PHF14: variants seen among roughly 807,000 people sequenced by gnomAD.
PHF14 encodes the protein PHD finger protein 14.
In PHF14, 55 loss-of-function variants were observed where a neutral mutation model predicts 117.9. The ratio of observed to expected loss-of-function variants is 0.47; its 90% CI spans 0.38 to 0.58. The LOEUF (loss-of-function observed/expected upper bound fraction) is 0.58. PHF14 is among the 20% of genes least tolerant of loss of function. The probability of loss-of-function intolerance (pLI) is 0.00; values close to 1 mark genes in which losing one functional copy is unlikely to be tolerated. For synonymous variants in PHF14, 409 were observed against 368.6 expected (o/e 1.11, Z -1.26); for missense variants, 978 against 1,122.2 (o/e 0.87, Z 1.84).
chr7:11,013,172 T>G (rs1416258360), intron 4 of PHF14, among the ~76,000 whole-genome samples: 1 of 152,118 alleles, frequency 6.6e-6, no homozygotes, highest in Non-Finnish European at 1.5e-5. Flanking sequence ...ATATTTTTAT[T>G]TTTTATGAGA....
At chr7:11,065,903 G>C (rs1192961153) in intron 16 of PHF14, among the ~76,000 whole-genome samples, 1 of 152,102 alleles carries the variant, frequency 6.6e-6, no homozygotes, top group African/African-American at 2.4e-5. Flanking sequence ...CTCTTAAATA[G>C]CATCTTTAAT....
intron 16 of PHF14, among the ~76,000 whole-genome samples, chr7:11,089,070 G>A (rs1786538112): frequency 6.6e-6 from 1 of 151,118 alleles, no homozygotes; most frequent in South Asian, 2.1e-4. Flanking sequence ...TTTGAGCACA[G>A]ACAGACACAA....
At chr7:11,067,531 A>G (rs992172183) in intron 16 of PHF14, among the ~76,000 whole-genome samples, 4 of 152,230 alleles carry the variant, frequency 2.6e-5, no homozygotes, top group Non-Finnish European at 4.4e-5. Context: ...AACATTATTC[A>G]CAATAGCCAA....
intron 4 of PHF14, among the ~76,000 whole-genome samples, chr7:11,008,891 C>A (rs1314180328): frequency 6.6e-6 from 1 of 151,746 alleles, no homozygotes; most frequent in East Asian, 1.9e-4. Context: ...AAAAAATTAG[C>A]CGGGCATGGT....
At chr7:11,039,118 A>G (rs1012570504) in intron 11 of PHF14, among the ~76,000 whole-genome samples, 1 of 152,146 alleles carries the variant, frequency 6.6e-6, no homozygotes, top group African/African-American at 2.4e-5. Context: ...TTGACCTGTC[A>G]TTTGTGATGA....
intron 4 of PHF14, among the ~76,000 whole-genome samples, chr7:10,991,665 A>G (rs906306999): frequency 6.6e-6 from 1 of 151,812 alleles, no homozygotes; most frequent in Admixed American, 6.6e-5. Flanking sequence ...GAAATGCTAT[A>G]TGAAAATCAG....
At chr7:11,158,216 A>G (rs576101660) in intron 17 of PHF14, among the ~76,000 whole-genome samples, 2 of 152,140 alleles carry the variant, frequency 1.3e-5, no homozygotes, top group East Asian at 1.9e-4. Context: ...TGTCTCCTCA[A>G]TCTCTTCCAG....
intron 17 of PHF14, among the ~76,000 whole-genome samples, chr7:11,112,144 T>A (rs1787467026): frequency 6.6e-6 from 1 of 152,166 alleles, no homozygotes; most frequent in South Asian, 2.1e-4. Flanking sequence ...TTTGACTGAT[T>A]TGGCAGAAAT....
At chr7:11,122,821 T>C (rs1295896409) in intron 17 of PHF14, among the ~76,000 whole-genome samples, 2 of 152,104 alleles carry the variant, frequency 1.3e-5, no homozygotes, top group African/African-American at 2.4e-5. Context: ...TAGTAGTAGC[T>C]TCAGTAGTGT....
chr7:11,112,301 T>C (rs1370606364), intron 17 of PHF14, among the ~76,000 whole-genome samples: 1 of 152,170 alleles, frequency 6.6e-6, no homozygotes, highest in Admixed American at 6.6e-5. Context: ...ATTTTTTTGG[T>C]CCTAGAGTGA....
In PHF14 at chr7:10,982,527, C is replaced by G. The variant is rs770611496; in HGVS notation, c.268C>G (p.Leu90Val). 7.9e-6 allele frequency: 12 copies of G among 1,523,688 alleles called. No individual in the cohort carries two copies. In the South Asian group the frequency reaches 1.4e-4, roughly 18 times the overall value. The allele number at this position is 1,523,688 out of a possible 1,614,324, so 94.4% of individuals were successfully genotyped here. The change falls in exon 3 of 18, where the codon CTA becomes GTA. Residue 90 changes from leucine (L) to valine (V), a missense_variant. Physicochemically the swap from Leu to Val is conservative, Grantham distance 32. Coordinates refer to ENST00000634607, the MANE Select transcript of PHF14 (RefSeq NM_001007157.2). ...TAAAAATTCTGCAGAGGAAGAAGTA[C>G]TATCATCAGAAAAACAATTAATTAA... ...QLKNSAEEEV[L>V]SSEKQLIKME...
intron 17 of PHF14, among the ~76,000 whole-genome samples, chr7:11,120,924 AT>A (rs1787733639): frequency 6.6e-6 from 1 of 152,158 alleles, no homozygotes; most frequent in South Asian, 2.1e-4. Context: ...GTGAAGAAAT[AT>A]CCAAGAAATT....
intron 3 of PHF14, among the ~76,000 whole-genome samples, chr7:10,988,629 A>G (rs1001351934): frequency 6.9e-6 from 1 of 144,796 alleles, no homozygotes; most frequent in Non-Finnish European, 1.5e-5. Context: ...AGTAGTGCTC[A>G]TTGGAGCTTG....
intron 4 of PHF14, among the ~76,000 whole-genome samples, chr7:11,012,278 A>C (rs1449906249): frequency 2.0e-5 from 3 of 152,202 alleles, no homozygotes; most frequent in Admixed American, 6.5e-5. Flanking sequence ...GGAAGCCTAA[A>C]TAGAAACTTT....
rs1360575881 is a variant in PHF14, at chr7:11,122,327, C to CTT, written c.2772+10864_2772+10865dup. Among the ~76,000 whole-genome samples the CTT allele has an allele frequency of 1.1e-3, 84 of 76,772 alleles. 1 individual carries two copies. The highest frequency in any genetic ancestry group is 0.01 in the South Asian group (26 of 2,480). The allele number at this position is 76,772 out of a possible 152,430, so 50.4% of individuals were successfully genotyped here. A position where few individuals can be genotyped will look rare whatever the true frequency, so the allele number is the denominator to read the frequency against. ...AGTTAAGGGGAGATTACTGTTTGTA[C>CTT]TTTTTATATATATATATATATATAT... On this transcript the variant is annotated intron_variant, in intron 17 of 17. Transcript: ENST00000634607.
At chr7:11,155,349 A>G (rs1788810645) in intron 17 of PHF14, among the ~76,000 whole-genome samples, 1 of 152,228 alleles carries the variant, frequency 6.6e-6, no homozygotes, top group African/African-American at 2.4e-5. Flanking sequence ...TAGAAGAAAC[A>G]GAACAAATAT....
At chr7:11,038,071 A>G (rs183313759) in intron 10 of PHF14, among the ~76,000 whole-genome samples, 4 of 152,222 alleles carry the variant, frequency 2.6e-5, no homozygotes, top group Admixed American at 6.5e-5. Flanking sequence ...ATACTGCTGA[A>G]TAATTGGATA....
chr7:11,001,622 G>T (rs962106947), intron 4 of PHF14, among the ~76,000 whole-genome samples: 16 of 45,940 alleles, frequency 3.5e-4, no homozygotes, highest in Non-Finnish European at 7.2e-4. Flanking sequence ...TTTATTTTTT[G>T]GGGGGTGCTA....
chr7:11,064,548 A>T (rs1039642756), intron 16 of PHF14, among the ~76,000 whole-genome samples: 2 of 151,984 alleles, frequency 1.3e-5, no homozygotes, highest in Non-Finnish European at 2.9e-5. Flanking sequence ...TTTTAAACTG[A>T]TGTTTATATC....
Sources: allele counts gnomAD v4.1 joint callset (sites outside exome capture counted in the v4.1 genomes callset), GRCh38; gene constraint gnomAD v4.1.1; transcripts MANE v1.5; gene names NCBI Gene and HGNC (gene_info 2026-07-23, HGNC 2026-07-21).